Variants in ATP6V1A observed in about 807,000 individuals in gnomAD.
The protein encoded by ATP6V1A is ATPase H+ transporting V1 subunit A.
Under a neutral mutation model 70.1 loss-of-function variants are expected in ATP6V1A, and 18 were observed. That is an observed-to-expected ratio of 0.26 (90% CI 0.18 to 0.38). The LOEUF (loss-of-function observed/expected upper bound fraction) is 0.38, where lower values mean the gene tolerates loss of function less well. Ranked by LOEUF, ATP6V1A falls within the 10% of genes least tolerant of loss-of-function variation. The pLI, the probability that ATP6V1A is intolerant of heterozygous loss-of-function variation, is 1.00. For missense variants in ATP6V1A, 424 were observed against 772.4 expected (o/e 0.55, Z 5.35); for synonymous variants, 232 against 253.8 (o/e 0.91, Z 0.82).
intron 13 of ATP6V1A, 43 bp from the exon 14 acceptor site, chr3:113,805,311 G>A (rs1559761717): frequency 6.4e-7 from 1 of 1,572,386 alleles, no homozygotes; most frequent in Non-Finnish European, 8.7e-7. Context: ...AACCTGTTTT[G>A]GAGTTTATTT....
intron 1 of ATP6V1A, among the ~76,000 whole-genome samples, chr3:113,772,933 CTTTTTTTTT>C (rs762901487): frequency 1.9e-4 from 17 of 90,428 alleles, no homozygotes; most frequent in African/African-American, 5.8e-4. Context: ...TTAATATTGG[CTTTTTTTTT>C]TTTTTTTTTT....
At chr3:113,769,241 C>G (rs1294288491) in intron 1 of ATP6V1A, among the ~76,000 whole-genome samples, 1 of 152,132 alleles carries the variant, frequency 6.6e-6, no homozygotes, top group Non-Finnish European at 1.5e-5. Flanking sequence ...TCCACCTGTT[C>G]TATAACTTTC....
In ATP6V1A at chr3:113,774,546, G is replaced by A. The variant is rs370590768; in HGVS notation, c.-13-4195G>A. ...AAAGGAAGCATTTGCTGGGTGCGGT[G>A]GCTCACGCCTGTAATCCCAGCACTT... is the stretch of plus-strand genomic sequence containing the variant. On this transcript the variant is annotated intron_variant, in intron 1 of 14. Coordinates refer to ENST00000273398, the MANE Select transcript of ATP6V1A (RefSeq NM_001690.4). Among the ~76,000 whole-genome samples, 8 of 152,274 alleles carry A rather than the reference G, an allele frequency of 5.3e-5. No individual in the cohort carries two copies. The East Asian group carries it at 1.5e-3, about 29-fold the overall frequency.
chr3:113,752,670 A>G (rs1368349602), intron 1 of ATP6V1A, among the ~76,000 whole-genome samples: 1 of 152,092 alleles, frequency 6.6e-6, no homozygotes, highest in Non-Finnish European at 1.5e-5. Context: ...TAAGTGCAGC[A>G]GAATTTTAAA....
chr3:113,748,333 C>G (rs376911406), intron 1 of ATP6V1A, among the ~76,000 whole-genome samples: 1 of 152,126 alleles, frequency 6.6e-6, no homozygotes, highest in African/African-American at 2.4e-5. Flanking sequence ...TGGTTAAACT[C>G]TTTTATTTAT....
chr3:113,804,985 A>AT (rs1709259218), intron 13 of ATP6V1A, among the ~76,000 whole-genome samples: 1 of 152,192 alleles, frequency 6.6e-6, no homozygotes, highest in Non-Finnish European at 1.5e-5. Flanking sequence ...TTATTTTACC[A>AT]TTTGGGTTAC....
rs201842717 is a variant in ATP6V1A at position 113,770,377 on chromosome 3, GAAC to G, written c.-13-8358_-13-8356del. On this transcript the variant is annotated intron_variant, in intron 1 of 14. Coordinates refer to ENST00000273398, the MANE Select transcript of ATP6V1A (RefSeq NM_001690.4). ...ATGCTTTTATTTTTTAAATGTTGGA[GAAC>G]AACAATAGCTGTATAGGCCGGGCAC... Among the ~76,000 whole-genome samples the G allele has an allele frequency of 5.9e-3, 887 of 151,366 alleles. 12 individuals are homozygous for G. Among genetic ancestry groups the G allele is most frequent in the African/African-American group, 0.02 (846 of 41,312 alleles).
At position 113,795,199 on chromosome 3, in the gene ATP6V1A, A is replaced by G; in HGVS notation, c.1221A>G (p.Val407=). The G allele has an allele frequency of 6.2e-7, 1 of 1,613,978 alleles. No homozygotes were observed. Among genetic ancestry groups the G allele is most frequent in the Non-Finnish European group, 8.5e-7 (1 of 1,179,894 alleles). Residue 407 remains valine (V), a synonymous_variant, in exon 10 of 15, where the codon GTA becomes GTG. Transcript: ENST00000273398. The part of the protein sequence containing the change: ...NPEREGSVSI[V]GAVSPPGGDF... Reference sequence around the variant, plus strand: ...AAAGAGAAGGGAGTGTCAGCATTGTAGGAGCGTAAGCACCCACACTATTTA... The same window carrying G: ...AAAGAGAAGGGAGTGTCAGCATTGTGGGAGCGTAAGCACCCACACTATTTA...
At chr3:113,777,208 A>G (rs942432234) in intron 1 of ATP6V1A, among the ~76,000 whole-genome samples, 1 of 152,234 alleles carries the variant, frequency 6.6e-6, no homozygotes, top group African/African-American at 2.4e-5. Context: ...TGTTTTTTAA[A>G]TTGTATATCA....
chr3:113,751,996 G>A (rs991647648), intron 1 of ATP6V1A, among the ~76,000 whole-genome samples: 1 of 151,724 alleles, frequency 6.6e-6, no homozygotes, highest in East Asian at 1.9e-4. Context: ...ATATCTTAAG[G>A]TTTTAAAAAT....
chr3:113,770,903 G>A (rs1471036418), intron 1 of ATP6V1A, among the ~76,000 whole-genome samples: 1 of 151,900 alleles, frequency 6.6e-6, no homozygotes, highest in Non-Finnish European at 1.5e-5. Context: ...GACCAGCCTG[G>A]CCAATAAGGT....
At chr3:113,759,784 A>AT (rs1708681926) in intron 1 of ATP6V1A, among the ~76,000 whole-genome samples, 1 of 152,176 alleles carries the variant, frequency 6.6e-6, no homozygotes, top group Admixed American at 6.5e-5. Context: ...TCACTCAACG[A>AT]TTAGAGTTTC....
chr3:113,790,865 T>C (rs575295809), intron 8 of ATP6V1A, among the ~76,000 whole-genome samples: 137 of 152,286 alleles, frequency 9.0e-4, no homozygotes, highest in African/African-American at 3.2e-3. Context: ...AGTATAAAAT[T>C]CTTGATCAAT....
At position 113,786,398 on chromosome 3, in the gene ATP6V1A, T is replaced by C; in HGVS notation, c.716+15T>C. 6.2e-7 allele frequency: 1 copy of C among 1,612,316 alleles called. No individual in the cohort carries two copies. Among genetic ancestry groups the C allele is most frequent in the South Asian group, 1.1e-5 (1 of 90,820 alleles). On this transcript the variant is annotated intron_variant, in intron 6 of 14. Coordinates refer to ENST00000273398, the MANE Select transcript of ATP6V1A (RefSeq NM_001690.4). ...GCCCTTTTTCCGTAAGTTTGAGATG[T>C]GTCCCACGATTTTCCCTCAGAGTTA...
In ATP6V1A at chr3:113,784,676, G is replaced by A; in HGVS notation, c.427-20G>A. On this transcript the variant is annotated intron_variant, in intron 4 of 14. Transcript: ENST00000273398. ...TTGACATTTATTTGCAAATTAAACA[G>A]CAAATACATTTATCTCTAGGTTGGT... The A allele has an allele frequency of 1.2e-6, 2 of 1,610,976 alleles. No individual in the cohort carries two copies. Among genetic ancestry groups the A allele is most frequent in the Non-Finnish European group, 1.7e-6 (2 of 1,177,722 alleles).
intron 1 of ATP6V1A, among the ~76,000 whole-genome samples, chr3:113,761,450 G>A (rs1447071138): frequency 6.6e-6 from 1 of 151,498 alleles, no homozygotes; most frequent in East Asian, 1.9e-4. Flanking sequence ...TTAAAAATAA[G>A]TTTCGGCTGG....
At chr3:113,808,094 C>T (rs1179273185) in intron 14 of ATP6V1A, among the ~76,000 whole-genome samples, 1 of 148,662 alleles carries the variant, frequency 6.7e-6, no homozygotes, top group Non-Finnish European at 1.5e-5. Context: ...CACACCATTG[C>T]ACTCCAGCCT....
Position 113,778,784 on chromosome 3 carries a change from G to C in ATP6V1A, c.31G>C (p.Asp11His). The change falls in exon 2 of 15, where the codon GAT becomes CAT. Residue 11 changes from aspartate to histidine, a missense_variant. Transcript: ENST00000273398. MDFSKLPKIL[D>H]EDKESTFGYV... The stretch of plus-strand genomic sequence containing the variant: ...TTTTTCCAAGCTACCCAAAATACTC[G>C]ATGAAGATAAAGAAAGCACATTTGG... 6.3e-7 allele frequency: 1 copy of C among 1,593,836 alleles called. No homozygotes were observed. Among genetic ancestry groups the C allele is most frequent in the Non-Finnish European group, 8.5e-7 (1 of 1,170,494 alleles).
At chr3:113,804,576 G>A (rs1709254305) in intron 13 of ATP6V1A, among the ~76,000 whole-genome samples, 1 of 152,048 alleles carries the variant, frequency 6.6e-6, no homozygotes, top group African/African-American at 2.4e-5. Flanking sequence ...ACTGAAGAAG[G>A]AACTGAGCCA....
Sources: allele counts gnomAD v4.1 joint callset (sites outside exome capture counted in the v4.1 genomes callset), GRCh38; gene constraint gnomAD v4.1.1; transcripts MANE v1.5; gene names NCBI Gene and HGNC (gene_info 2026-07-23, HGNC 2026-07-21).